SFTPB: variants seen among roughly 807,000 people sequenced by gnomAD.
SFTPB encodes surfactant protein B.
SFTPB carries 32 observed loss-of-function variants against 51.0 expected under a neutral mutation model. That is an observed-to-expected ratio of 0.63 (90% CI 0.47 to 0.84). The LOEUF (loss-of-function observed/expected upper bound fraction) is 0.84. Among genes scored for constraint, SFTPB ranks in the 40% least tolerant of loss-of-function variants. SFTPB has a pLI of 0.00. For synonymous variants in SFTPB, 211 were observed against 208.5 expected (o/e 1.01, Z -0.10); for missense variants, 431 against 491.2 (o/e 0.88, Z 1.16).
At chr2:85,661,935 AG>A in intron 9 of SFTPB, 93 bp downstream of exon 9, 1 of 1,253,622 alleles carries the variant, frequency 8.0e-7, no homozygotes, top group Non-Finnish European at 1.1e-6. Context: ...CCTTGGACCC[AG>A]GGGAGTGAGG....
At position 85,664,280 on chromosome 2, in the gene SFTPB, C is replaced by A. The variant is rs572539412; in HGVS notation, c.673-433G>T. Among the ~76,000 whole-genome samples the A allele has an allele frequency of 1.1e-4, 17 of 152,264 alleles. No individual in the cohort carries two copies. In the Middle Eastern group the frequency reaches 0.01, roughly 91 times the overall value. On this transcript the variant is annotated intron_variant, in intron 6 of 10. Coordinates refer to ENST00000519937, the MANE Select transcript of SFTPB (RefSeq NM_000542.5). ...TTAGTCTCCCCATCTCAGCTGCTGG[C>A]ATTACAGAGGGCTGGTTGCTCTGGC...
intron 3 of SFTPB, 43 bp downstream of exon 3, chr2:85,667,063 T>C: frequency 1.3e-6 from 2 of 1,520,388 alleles, no homozygotes; most frequent in Non-Finnish European, 9.1e-7. Flanking sequence ...CTGTCCCTCA[T>C]CTCTTGGGCC....
chr2:85,667,323 A>G, intron 2 of SFTPB, 146 bp from the exon 3 acceptor site: 1 of 703,496 alleles, frequency 1.4e-6, no homozygotes, highest in Non-Finnish European at 2.6e-6. Flanking sequence ...CATCTCATCC[A>G]TATCAATTTA....
At chr2:85,661,419 C>T (rs35030790) in intron 10 of SFTPB, 35 bp downstream of exon 10, 89 of 1,479,670 alleles carry the variant, frequency 6.0e-5, no homozygotes, top group Admixed American at 7.4e-5. Flanking sequence ...AGGACCTGCC[C>T]CCTTACCTCC....
At chr2:85,667,921 T>G (rs1677739041) in intron 1 of SFTPB, 115 bp from the exon 2 acceptor site, 1 of 1,469,692 alleles carries the variant, frequency 6.8e-7, no homozygotes. Flanking sequence ...ATTAAACATG[T>G]GGACGTCAGA....
At chr2:85,664,738 G>C (rs1677486168) in intron 6 of SFTPB, among the ~76,000 whole-genome samples, 1 of 152,206 alleles carries the variant, frequency 6.6e-6, no homozygotes. Flanking sequence ...CTGCTGCCTT[G>C]TGCCCCTGGT....
intron 4 of SFTPB, 50 bp downstream of exon 4, chr2:85,666,567 A>G (rs1445370050): frequency 6.2e-7 from 1 of 1,600,860 alleles, no homozygotes; most frequent in Non-Finnish European, 8.5e-7. Context: ...ATGGGTGGGC[A>G]CAGGGGCCTG....
chr2:85,667,292 G>T lies in SFTPB; in HGVS notation c.196-115C>A, dbSNP rs546688728. ...AGAGCACTCCAAGGCACATGCAGCTGCCCACCAGCCCAACTTGTCCCATCT... is the reference window on the plus strand; with the variant it reads ...AGAGCACTCCAAGGCACATGCAGCTTCCCACCAGCCCAACTTGTCCCATCT... On this transcript the variant is annotated intron_variant, in intron 2 of 10. Coordinates refer to ENST00000519937, the MANE Select transcript of SFTPB (RefSeq NM_000542.5). The T allele has an allele frequency of 2.3e-5, 18 of 781,446 alleles. No homozygotes were observed. The African/African-American group carries it at 2.4e-4, about 10-fold the overall frequency. 48.4% of individuals were successfully genotyped at this position (781,446 alleles called of 1,614,324 possible).
At position 85,661,448 on chromosome 2, in the gene SFTPB, A is replaced by G. The variant is rs748780773; in HGVS notation, c.*19+6T>C. ...TACCTCCCCGCAACTGGGGGCCTGG[A>G]CTCACCTGGACAGCTGAGTTCTCAT... On this transcript the variant is annotated splice_donor_region_variant and intron_variant, in intron 10 of 10. Transcript: ENST00000519937. The G allele has an allele frequency of 1.3e-6, 2 of 1,600,000 alleles. No individual in the cohort carries two copies. Among genetic ancestry groups the G allele is most frequent in the East Asian group, 2.2e-5 (1 of 44,494 alleles).
In SFTPB at chr2:85,665,628, G is replaced by A. The variant is rs756571077; in HGVS notation, c.560C>T (p.Ala187Val). Reference protein sequence around the residue: ...VLPVLPGALQARPGPHTQDLS... With the variant: ...VLPVLPGALQVRPGPHTQDLS... ...CACCTGTGTGTGAGGCCCAGGCCTC[G>A]CCTGGAGGGCCCCGGGCAGCACAGG... Residue 187 changes from alanine (A) to valine (V), a missense_variant, in exon 5 of 11, where the codon GCG (alanine) becomes GTG (valine). Physicochemically the swap from Ala to Val is moderately conservative, Grantham distance 64. Coordinates refer to ENST00000519937, the MANE Select transcript of SFTPB (RefSeq NM_000542.5). 6.8e-5 allele frequency: 110 copies of A among 1,613,796 alleles called. No homozygotes were observed. The highest frequency in any genetic ancestry group is 6.6e-5 in the South Asian group (6 of 91,068).
chr2:85,661,486 C>A lies in SFTPB; in HGVS notation c.1133G>T (p.Ser378Ile). The change falls in exon 10 of 11, where the codon AGC becomes ATC. Residue 378 changes from serine to isoleucine, a missense_variant. Physicochemically the swap from Ser to Ile is moderately radical, Grantham distance 142. Transcript: ENST00000519937. ...GCTGAGTTCTCATCAAAGGTCGGGG[C>A]TGTGGATACACTGGAGAGGGCTGGA... ...TMSSPLQCIHSPDL is the reference protein window; with the variant it reads ...TMSSPLQCIHIPDL 1 of 1,611,858 alleles carries A rather than the reference C, an allele frequency of 6.2e-7. No individual in the cohort carries two copies. Among genetic ancestry groups the A allele is most frequent in the Non-Finnish European group, 8.5e-7 (1 of 1,179,108 alleles).
intron 2 of SFTPB, 132 bp downstream of exon 2, chr2:85,667,545 ATC>A: frequency 2.0e-6 from 2 of 979,700 alleles, no homozygotes; most frequent in Non-Finnish European, 3.3e-6. Context: ...ATTTTATCCT[ATC>A]TCATTTCATC....
rs1677292994 is a variant in SFTPB at position 85,661,507 on chromosome 2, C to G, written c.1112G>C (p.Ser371Thr). The G allele has an allele frequency of 6.2e-7, 1 of 1,612,148 alleles. No individual in the cohort carries two copies. The change falls in exon 10 of 11, where the codon AGC (serine) becomes ACC (threonine). Residue 371 changes from serine (S) to threonine (T), a missense_variant. Transcript: ENST00000519937. ...GGGGCTGTGGATACACTGGAGAGGGCTGGACATGGTCCCACACACCCCGAG... is the reference window on the plus strand; with the variant it reads ...GGGGCTGTGGATACACTGGAGAGGGGTGGACATGGTCCCACACACCCCGAG... ...QALGVCGTMSSPLQCIHSPDL is the reference protein window; with the variant it reads ...QALGVCGTMSTPLQCIHSPDL
intron 8 of SFTPB, 87 bp downstream of exon 8, chr2:85,663,259 G>T: frequency 6.4e-7 from 1 of 1,559,524 alleles, no homozygotes; most frequent in Non-Finnish European, 8.7e-7. Context: ...CCCATCCTAG[G>T]TGTCTCTGGC....
At chr2:85,663,082 AG>A (rs761046295) in intron 8 of SFTPB, among the ~76,000 whole-genome samples, 1 of 152,054 alleles carries the variant, frequency 6.6e-6, no homozygotes, top group African/African-American at 2.4e-5. Context: ...AGGCCTCTGA[AG>A]GCTTGCCTGG....
At chr2:85,666,822 G>A in intron 3 of SFTPB, 80 bp from the exon 4 acceptor site, 1 of 1,582,048 alleles carries the variant, frequency 6.3e-7, no homozygotes, top group Admixed American at 1.7e-5. Context: ...GGCCCCACCA[G>A]GGCAGACTGA....
rs1164736987 is a variant in SFTPB, at chr2:85,668,159, A to G, written c.25T>C (p.Trp9Arg). The G allele has an allele frequency of 2.6e-6, 4 of 1,551,356 alleles. No homozygotes were observed. Among genetic ancestry groups the G allele is most frequent in the Admixed American group, 2.0e-5 (1 of 50,984 alleles). MAESHLLQWLLLLLPTLCG... is the reference protein window; with the variant it reads MAESHLLQRLLLLLPTLCG... ...AGCGTGGGCAGCAGCAGCAGCAGCC[A>G]CTGCAGCAGGTGTGACTCAGCCATG... The change falls in exon 1 of 11, where the codon TGG becomes CGG. Residue 9 changes from tryptophan to arginine, a missense_variant. Trp to Arg is a moderately radical substitution (Grantham distance 101). Coordinates refer to ENST00000519937, the MANE Select transcript of SFTPB (RefSeq NM_000542.5).
chr2:85,668,288 C>A, upstream of SFTPB: 1 of 1,101,736 alleles, frequency 9.1e-7, no homozygotes, highest in Non-Finnish European at 1.3e-6. Context: ...TTTGTCTTTG[C>A]TCTGAAGAGC....
chr2:85,667,301 C>T lies in SFTPB; in HGVS notation c.196-124G>A, dbSNP rs190641178. The T allele has an allele frequency of 1.8e-3, 1,336 of 748,902 alleles. 13 individuals carry two copies. Among genetic ancestry groups the T allele is most frequent in the East Asian group, 0.012 (479 of 38,978 alleles). The allele number at this position is 748,902 out of a possible 1,614,324, so 46.4% of individuals were successfully genotyped here. ...CAAGGCACATGCAGCTGCCCACCAGCCCAACTTGTCCCATCTCATCCATAT... is the reference window on the plus strand; with the variant it reads ...CAAGGCACATGCAGCTGCCCACCAGTCCAACTTGTCCCATCTCATCCATAT... On this transcript the variant is annotated intron_variant, in intron 2 of 10. Transcript: ENST00000519937.
Sources: allele counts gnomAD v4.1 joint callset (sites outside exome capture counted in the v4.1 genomes callset), GRCh38; gene constraint gnomAD v4.1.1; transcripts MANE v1.5; gene names NCBI Gene and HGNC (gene_info 2026-07-23, HGNC 2026-07-21).